ILDR1: variants seen among roughly 807,000 people sequenced by gnomAD.
ILDR1 encodes the protein immunoglobulin like domain containing receptor 1, also known as immunoglobulin-like domain-containing receptor 1.
A neutral mutation model predicts 62.4 loss-of-function variants in ILDR1; 56 were observed. The observed-to-expected ratio is 0.90, with a 90% CI of 0.72 to 1.12. The LOEUF (loss-of-function observed/expected upper bound fraction) is 1.12. ILDR1 is among the 50% of genes most tolerant of loss of function. ILDR1 has a pLI of 0.00. For synonymous variants in ILDR1, 284 were observed against 277.8 expected (o/e 1.02, Z -0.22); for missense variants, 736 against 710.6 (o/e 1.04, Z -0.41).
the ILDR1 span, among the ~76,000 whole-genome samples, chr3:122,032,719 T>A: frequency 6.6e-6 from 1 of 152,194 alleles, no homozygotes; most frequent in African/African-American, 2.4e-5. Flanking sequence ...CTGGGAAAAG[T>A]CATTTGCCAT....
rs945738821 is a variant in ILDR1, at chr3:122,007,057, C to A, written c.163G>T (p.Asp55Tyr). ...CDYTTSAQLQ[D>Y]VVVTWRFKSF... ...TTGAAGCGCCATGTCACCACCACGT[C>A]CTGGAGCTGGGCAGAGGTGGTGTAG... The change falls in exon 2 of 8, where the codon GAC becomes TAC. Residue 55 changes from aspartate (D) to tyrosine (Y), a missense_variant. Transcript: ENST00000344209. 6.2e-6 allele frequency: 10 copies of A among 1,613,924 alleles called. No individual in the cohort carries two copies. The highest frequency in any genetic ancestry group is 8.5e-6 in the Non-Finnish European group (10 of 1,180,030).
At chr3:122,000,047 T>G (rs1413825015) in intron 5 of ILDR1, among the ~76,000 whole-genome samples, 2 of 141,138 alleles carry the variant, frequency 1.4e-5, no homozygotes, top group Non-Finnish European at 3.1e-5. Context: ...GGAACCTCTT[T>G]GAAAAAAAAA....
intron 5 of ILDR1, among the ~76,000 whole-genome samples, chr3:121,999,076 T>C (rs1223792426): frequency 6.6e-6 from 1 of 152,226 alleles, no homozygotes; most frequent in African/African-American, 2.4e-5. Context: ...TAAAAGTTAG[T>C]TCTCTTTTCC....
intron 1 of ILDR1, among the ~76,000 whole-genome samples, chr3:122,013,406 G>A (rs372457978): frequency 2.6e-5 from 4 of 152,134 alleles, no homozygotes; most frequent in African/African-American, 9.7e-5. Flanking sequence ...GGTCTTTGCC[G>A]GCAAGGGGCA....
At chr3:122,036,794 C>A in the ILDR1 span, among the ~76,000 whole-genome samples, 3 of 152,240 alleles carry the variant, frequency 2.0e-5, no homozygotes, top group East Asian at 5.8e-4. Flanking sequence ...ATAGCAGCCA[C>A]TCCCATCACA....
the ILDR1 span, among the ~76,000 whole-genome samples, chr3:122,056,255 G>C: frequency 1.8e-4 from 28 of 152,276 alleles, no homozygotes; most frequent in African/African-American, 6.7e-4. Context: ...TCTCCATGCT[G>C]TGGAGACTTC....
At chr3:122,055,505 T>C in the ILDR1 span, 1 of 1,613,858 alleles carries the variant, frequency 6.2e-7, no homozygotes. Context: ...TCCCCAGTGG[T>C]GAGTAATAAT....
At chr3:121,990,573 C>T (rs928223266) in intron 7 of ILDR1, among the ~76,000 whole-genome samples, 2 of 152,190 alleles carry the variant, frequency 1.3e-5, no homozygotes, top group Non-Finnish European at 2.9e-5. Context: ...ATATCATTGA[C>T]TCCAAATGAT....
chr3:122,036,689 A>C, the ILDR1 span, among the ~76,000 whole-genome samples: 1 of 152,198 alleles, frequency 6.6e-6, no homozygotes. Context: ...GGAGAAATTC[A>C]AGCCTGCTGC....
chr3:122,017,156 C>T (rs2071788010), intron 1 of ILDR1, among the ~76,000 whole-genome samples: 1 of 152,160 alleles, frequency 6.6e-6, no homozygotes, highest in East Asian at 1.9e-4. Context: ...TCAATTGATT[C>T]TCCTGCCTCA....
chr3:122,040,198 T>C, the ILDR1 span, among the ~76,000 whole-genome samples: 1 of 151,914 alleles, frequency 6.6e-6, no homozygotes, highest in Non-Finnish European at 1.5e-5. Context: ...ACAACTGGTT[T>C]AAAATGAGGG....
intron 1 of ILDR1, among the ~76,000 whole-genome samples, chr3:122,020,638 C>A (rs2071840740): frequency 6.6e-6 from 1 of 152,192 alleles, no homozygotes; most frequent in Non-Finnish European, 1.5e-5. Flanking sequence ...AAATCCCCAG[C>A]TGCTGTGGAG....
the ILDR1 span, among the ~76,000 whole-genome samples, chr3:122,034,919 T>C: frequency 6.6e-6 from 1 of 152,170 alleles, no homozygotes; most frequent in African/African-American, 2.4e-5. Flanking sequence ...GAGAACAGGA[T>C]GGGAAAGACC....
chr3:122,048,016 A>G, the ILDR1 span, among the ~76,000 whole-genome samples: 2 of 152,236 alleles, frequency 1.3e-5, no homozygotes, highest in Non-Finnish European at 2.9e-5. Flanking sequence ...AAGTAGGCAG[A>G]CTTACCTTGT....
chr3:122,032,251 T>C, the ILDR1 span, among the ~76,000 whole-genome samples: 2 of 152,236 alleles, frequency 1.3e-5, no homozygotes, highest in East Asian at 3.8e-4. Flanking sequence ...GGTTTATCTC[T>C]TTTGCTTAAT....
At chr3:122,025,044 G>A (rs1015530986), upstream of ILDR1, among the ~76,000 whole-genome samples, 1 of 152,192 alleles carries the variant, frequency 6.6e-6, no homozygotes, top group Non-Finnish European at 1.5e-5. Flanking sequence ...GAGCATGTAC[G>A]TGGCTCAGAA....
intron 1 of ILDR1, among the ~76,000 whole-genome samples, chr3:122,018,874 T>C (rs945146623): frequency 1.3e-5 from 2 of 152,184 alleles, no homozygotes; most frequent in Admixed American, 1.3e-4. Flanking sequence ...GGGAACTTTG[T>C]AAGATTTCAT....
chr3:121,996,196 T>C (rs2071433311), intron 5 of ILDR1, among the ~76,000 whole-genome samples: 1 of 152,164 alleles, frequency 6.6e-6, no homozygotes, highest in South Asian at 2.1e-4. Flanking sequence ...TCCTCCTGCT[T>C]CCTTCAATCA....
chr3:122,051,690 T>G, the ILDR1 span, among the ~76,000 whole-genome samples: 3 of 152,124 alleles, frequency 2.0e-5, no homozygotes, highest in Non-Finnish European at 4.4e-5. Context: ...GAACTTTGTG[T>G]TGGTATCTGC....
Sources: allele counts gnomAD v4.1 joint callset (sites outside exome capture counted in the v4.1 genomes callset), GRCh38; gene constraint gnomAD v4.1.1; transcripts MANE v1.5; gene names NCBI Gene and HGNC (gene_info 2026-07-23, HGNC 2026-07-21).